CFAP20DC: variants seen among roughly 807,000 people sequenced by gnomAD.
The protein encoded by CFAP20DC is protein CFAP20DC.
A neutral mutation model predicts 101.7 loss-of-function variants in CFAP20DC; 84 were observed. The observed-to-expected ratio is 0.83, with a 90% CI of 0.69 to 0.99. The LOEUF (loss-of-function observed/expected upper bound fraction) is 0.99. CFAP20DC is among the 50% of genes least tolerant of loss of function. The probability of loss-of-function intolerance (pLI) is 0.00; values close to 1 mark genes in which losing one functional copy is unlikely to be tolerated. For synonymous variants in CFAP20DC, 359 were observed against 351.2 expected (o/e 1.02, Z -0.25); for missense variants, 1,007 against 970.3 (o/e 1.04, Z -0.50).
At chr3:59,038,928 T>A (rs866328367) in intron 4 of CFAP20DC, among the ~76,000 whole-genome samples, 1 of 152,102 alleles carries the variant, frequency 6.6e-6, no homozygotes, top group Non-Finnish European at 1.5e-5. Context: ...TTAAATGTAA[T>A]GGTTAATTTA....
At position 59,002,388 on chromosome 3, in the gene CFAP20DC, T is replaced by C. The variant is rs1360331514; in HGVS notation, c.278+37169A>G. ...ATGCTTCTAAATGGCATAACCAAAATGACTTTATGCAAGCAAAGCAAGTAG... is the reference window on the plus strand; with the variant it reads ...ATGCTTCTAAATGGCATAACCAAAACGACTTTATGCAAGCAAAGCAAGTAG... On this transcript the variant is annotated intron_variant, in intron 4 of 16. Transcript: ENST00000482387. This position sits in a 1 kb window ranked among gnomAD's most constrained non-coding sequence, Gnocchi z 4.5. 3.3e-5 allele frequency among the ~76,000 whole-genome samples: 5 copies of C among 152,204 alleles called. No individual in the cohort carries two copies. Among genetic ancestry groups the C allele is most frequent in the Non-Finnish European group, 5.9e-5 (4 of 68,034 alleles).
At chr3:58,879,902 GTTTAATA>G (rs939647542) in intron 7 of CFAP20DC, among the ~76,000 whole-genome samples, 2 of 151,954 alleles carry the variant, frequency 1.3e-5, no homozygotes, top group Non-Finnish European at 2.9e-5. Flanking sequence ...CTAAAAAGTT[GTTTAATA>G]TTTAACTATA....
At chr3:58,860,191 A>G (rs979602753) in intron 12 of CFAP20DC, among the ~76,000 whole-genome samples, 4 of 151,214 alleles carry the variant, frequency 2.6e-5, no homozygotes, top group Non-Finnish European at 4.4e-5. Flanking sequence ...AAAAAAAAAA[A>G]AAAGAAAGAA....
intron 5 of CFAP20DC, among the ~76,000 whole-genome samples, chr3:58,918,934 T>C (rs565555969): frequency 5.9e-5 from 9 of 152,332 alleles, no homozygotes; most frequent in Admixed American, 5.2e-4. Flanking sequence ...TTGTGCTCAA[T>C]AAATGTCAAT....
At chr3:58,924,277 C>T (rs2085708696) in intron 5 of CFAP20DC, among the ~76,000 whole-genome samples, 1 of 152,044 alleles carries the variant, frequency 6.6e-6, no homozygotes, top group African/African-American at 2.4e-5. Context: ...TTGTTTCTCT[C>T]CATATGTACA....
At chr3:58,895,755 A>G (rs892091608) in intron 6 of CFAP20DC, among the ~76,000 whole-genome samples, 1 of 152,210 alleles carries the variant, frequency 6.6e-6, no homozygotes, top group Non-Finnish European at 1.5e-5. Context: ...TGGGCAATTT[A>G]CAAAAGAAAG....
intron 6 of CFAP20DC, among the ~76,000 whole-genome samples, chr3:58,890,344 G>A (rs1262078777): frequency 7.0e-6 from 1 of 142,768 alleles, no homozygotes; most frequent in Non-Finnish European, 1.6e-5. Context: ...CGGGGCGGCT[G>A]GCCGGGCAGA....
chr3:58,913,833 A>C lies in CFAP20DC; in HGVS notation c.425T>G (p.Phe142Cys), dbSNP rs762865041. ...WCNLCIDLVAFTSEIFKGAVF... is the reference protein window; with the variant it reads ...WCNLCIDLVACTSEIFKGAVF... ...TGCCCCCTTGAATATTTCACTGGTG[A>C]ATGCTACTAAGTCAATGCATAGATT... is the stretch of plus-strand genomic sequence containing the variant. The change falls in exon 6 of 17, where the codon TTC becomes TGC. Residue 142 changes from phenylalanine (F) to cysteine (C), a missense_variant. Physicochemically the swap from Phe to Cys is radical, Grantham distance 205. Coordinates refer to ENST00000482387, the MANE Select transcript of CFAP20DC (RefSeq NM_001394063.1). The surrounding 1 kb of genome is among the most constrained non-coding windows in gnomAD (Gnocchi z 4.4). The C allele has an allele frequency of 1.2e-6, 2 of 1,613,588 alleles. No homozygotes were observed. The highest frequency in any genetic ancestry group is 3.3e-5 in the Admixed American group (2 of 59,906).
At chr3:58,932,403 G>C (rs1357167360) in intron 5 of CFAP20DC, among the ~76,000 whole-genome samples, 4 of 151,950 alleles carry the variant, frequency 2.6e-5, no homozygotes, top group Non-Finnish European at 5.9e-5. Context: ...CCAACATTCA[G>C]ATTCAGGAAA....
intron 6 of CFAP20DC, among the ~76,000 whole-genome samples, chr3:58,896,287 CT>C (rs1460195740): frequency 2.6e-5 from 4 of 152,108 alleles, no homozygotes; most frequent in Non-Finnish European, 4.4e-5. Context: ...ATCTTTATTA[CT>C]CTAGCTAGTG....
At chr3:58,893,022 TGA>T (rs1436234328) in intron 6 of CFAP20DC, among the ~76,000 whole-genome samples, 1 of 151,924 alleles carries the variant, frequency 6.6e-6, no homozygotes, top group Non-Finnish European at 1.5e-5. Context: ...CCTGGTTTAT[TGA>T]GAGTTTTTAA....
intron 14 of CFAP20DC, among the ~76,000 whole-genome samples, chr3:58,817,674 T>C (rs1430545110): frequency 9.5e-5 from 14 of 147,900 alleles, no homozygotes; most frequent in African/African-American, 3.5e-4. Context: ...TTGGTGTACC[T>C]GAAAGTGATG....
intron 14 of CFAP20DC, among the ~76,000 whole-genome samples, chr3:58,807,568 C>A (rs575800302): frequency 3.9e-5 from 6 of 152,318 alleles, no homozygotes; most frequent in African/African-American, 1.4e-4. Context: ...CCCATCTGTA[C>A]ATCACCATCA....
intron 7 of CFAP20DC, among the ~76,000 whole-genome samples, chr3:58,881,048 T>C (rs769845299): frequency 6.6e-6 from 1 of 152,172 alleles, no homozygotes; most frequent in Non-Finnish European, 1.5e-5. Context: ...AAAATTTGAA[T>C]CTTACTTTCA....
chr3:58,849,177 C>T lies in CFAP20DC; in HGVS notation c.1826G>A (p.Gly609Glu), dbSNP rs878885828. 1.3e-6 allele frequency: 2 copies of T among 1,535,962 alleles called. No homozygotes were observed. Among genetic ancestry groups the T allele is most frequent in the East Asian group, 2.4e-5 (1 of 40,928 alleles). The change falls in exon 13 of 17, where the codon GGA (glycine) becomes GAA (glutamate). Residue 609 changes from glycine to glutamate, a missense_variant. By Grantham distance (98) the Gly-to-Glu change is moderately conservative (BLOSUM62 -2). Transcript: ENST00000482387. Reference protein sequence around the residue: ...LLPTTCLSPTGRRCGSCQKTP... With the variant: ...LLPTTCLSPTERRCGSCQKTP... ...TTTCTGACAGGACCCACACCTTCTT[C>T]CAGTTGGAGAAAGGCATGTTGTAGG...
chr3:58,903,987 C>T (rs2083377984), intron 6 of CFAP20DC, among the ~76,000 whole-genome samples: 1 of 152,104 alleles, frequency 6.6e-6, no homozygotes, highest in Non-Finnish European at 1.5e-5. Flanking sequence ...CTATTTGGGT[C>T]CCCTTGCTAT....
At chr3:58,996,104 A>G (rs1176799828) in intron 4 of CFAP20DC, among the ~76,000 whole-genome samples, 1 of 149,738 alleles carries the variant, frequency 6.7e-6, no homozygotes, top group East Asian at 2.0e-4. Flanking sequence ...AATGAAGCAG[A>G]AAAAAAAAAG....
intron 14 of CFAP20DC, among the ~76,000 whole-genome samples, chr3:58,810,188 C>G (rs1359953122): frequency 6.6e-6 from 1 of 152,084 alleles, no homozygotes; most frequent in African/African-American, 2.4e-5. Flanking sequence ...AGGGAATCCT[C>G]CCTAACTCAT....
intron 2 of CFAP20DC, among the ~76,000 whole-genome samples, chr3:59,046,861 A>C (rs1294836857): frequency 6.6e-6 from 1 of 152,162 alleles, no homozygotes; most frequent in African/African-American, 2.4e-5. Context: ...GAGGTTGTTA[A>C]AGATGAAGAA....
Sources: gnomAD v4.1 joint callset for allele counts (sites outside exome capture counted in the v4.1 genomes callset) on GRCh38, gnomAD v4.1.1 for gene constraint, Gnocchi (gnomAD v3.1) non-coding constraint, MANE v1.5 for transcripts, NCBI Gene and HGNC (gene_info 2026-07-23, HGNC 2026-07-21) for gene names.